DSE: variants seen among roughly 807,000 people sequenced by gnomAD.
DSE encodes dermatan sulfate epimerase.
Under a neutral mutation model 84.4 loss-of-function variants are expected in DSE, and 36 were observed. That is an observed-to-expected ratio of 0.43 (90% confidence interval 0.33 to 0.56). The LOEUF (loss-of-function observed/expected upper bound fraction) is 0.56, where lower values mean the gene tolerates loss of function less well. Ranked by LOEUF, DSE falls within the 20% of genes least tolerant of loss-of-function variation. The pLI is 0.06. For missense variants in DSE, 862 were observed against 1,169.6 expected, an observed-to-expected ratio of 0.74 and a Z score of 3.84; for synonymous variants, 410 against 430.1, an observed-to-expected ratio of 0.95 and a Z score of 0.58.
rs146126015 is a variant in DSE, at chr6:116,271,284, T to C, written c.-54+12317T>C. ...CGGTTTCTAGGCCTCACCTTCAGAG[T>C]TCTGTTTCAGTAGCTCATGGGTGGG... On this transcript the variant is annotated intron_variant, in intron 2 of 3. Transcript: ENST00000430252. 1.1e-3 allele frequency among the ~76,000 whole-genome samples: 174 copies of C among 152,296 alleles called. 1 individual carries two copies. Among genetic ancestry groups the C allele is most frequent in the African/African-American group, 3.9e-3 (161 of 41,564 alleles).
intron 2 of DSE, among the ~76,000 whole-genome samples, chr6:116,361,344 C>A (rs2187813): frequency 0.47 from 72,042 of 151,926 alleles, 18,656 homozygotes; most frequent in East Asian, 0.95. Context: ...CAGGTGTGAG[C>A]CACTGCACCC....
In DSE at chr6:116,438,058, A is replaced by G. The variant is rs1292156220; in HGVS notation, c.*713A>G. The G allele has an allele frequency of 2.4e-5, 3 of 126,648 alleles. No individual in the cohort carries two copies. The highest frequency in any genetic ancestry group is 9.3e-5 in the African/African-American group (3 of 32,150). 7.8% of individuals were successfully genotyped at this position (126,648 alleles called of 1,614,324 possible). On this transcript the variant is annotated 3_prime_UTR_variant, in exon 6 of 6. Transcript: ENST00000644252. ...CTTGCATGCATTCATTGGTTGTTCA[A>G]TAAGTGAGATGATTACAGATAATAC...
rs942067113 is a variant in DSE, at chr6:116,444,619, G to T, written c.*7274G>T. On this transcript the variant is annotated 3_prime_UTR_variant, in exon 6 of 6. Coordinates refer to ENST00000644252, the MANE Select transcript of DSE (RefSeq NM_013352.4). ...ATCCTTAATGTGATAGTATTAGGAT[G>T]TGGGGCCTTTGGAAAGTGATTAGGT... The T allele has an allele frequency of 6.6e-6, 1 of 152,190 alleles. No homozygotes were observed. Among genetic ancestry groups the T allele is most frequent in the South Asian group, 2.1e-4 (1 of 4,830 alleles). 9.4% of individuals were successfully genotyped at this position (152,190 alleles called of 1,614,324 possible). A position where few individuals can be genotyped will look rare whatever the true frequency, so the allele number is the denominator to read the frequency against.
At chr6:116,392,555 A>G (rs1281323849) in intron 1 of DSE, among the ~76,000 whole-genome samples, 2 of 152,058 alleles carry the variant, frequency 1.3e-5, no homozygotes, top group African/African-American at 4.8e-5. Flanking sequence ...GGGGATGTAC[A>G]TTTCACTCTT....
chr6:116,438,963 G>A lies in DSE; in HGVS notation c.*1618G>A, dbSNP rs1319053782. ...TAATTTTTTTCCCCTCTCATGGAAA[G>A]TCTCTAGGGAGGATGTCATTACACA... On this transcript the variant is annotated 3_prime_UTR_variant, in exon 6 of 6. Coordinates refer to ENST00000644252, the MANE Select transcript of DSE (RefSeq NM_013352.4). 1.3e-5 allele frequency: 2 copies of A among 152,160 alleles called. No individual in the cohort carries two copies. The highest frequency in any genetic ancestry group is 4.8e-5 in the African/African-American group (2 of 41,446). The allele number at this position is 152,160 out of a possible 1,614,324, so 9.4% of individuals were successfully genotyped here.
chr6:116,346,088 A>G (rs1237044288), intron 2 of DSE, among the ~76,000 whole-genome samples: 1 of 152,224 alleles, frequency 6.6e-6, no homozygotes, highest in African/African-American at 2.4e-5. Context: ...GAATCCCTGA[A>G]TAGATCAATA....
chr6:116,369,309 CT>C (rs1430853672), upstream of DSE, among the ~76,000 whole-genome samples: 3 of 152,298 alleles, frequency 2.0e-5, no homozygotes, highest in East Asian at 5.8e-4. Flanking sequence ...TCTAAAGTCT[CT>C]TTCAAATTTG....
intron 2 of DSE, among the ~76,000 whole-genome samples, chr6:116,411,500 A>G (rs558997649): frequency 6.6e-6 from 1 of 152,344 alleles, no homozygotes; most frequent in East Asian, 1.9e-4. Context: ...TGAAAAAGAA[A>G]AAAGGTTCCT....
chr6:116,378,484 C>G (rs9488916), intron 1 of DSE, among the ~76,000 whole-genome samples: 6,366 of 152,112 alleles, frequency 0.042, 226 homozygotes, highest in African/African-American at 0.094. Context: ...TATTTATTGA[C>G]TGGTTAAATA....
At chr6:116,385,804 T>C (rs926158970) in intron 1 of DSE, among the ~76,000 whole-genome samples, 2 of 114,616 alleles carry the variant, frequency 1.7e-5, no homozygotes, top group African/African-American at 7.5e-5. Flanking sequence ...TTGGAAATGT[T>C]AAAGACAGCA....
chr6:116,380,526 C>A (rs1346888568), intron 1 of DSE, among the ~76,000 whole-genome samples: 2 of 152,062 alleles, frequency 1.3e-5, no homozygotes, highest in Non-Finnish European at 2.9e-5. Context: ...GCCAGCAGAG[C>A]AAAGGCACAA....
Position 116,436,398 on chromosome 6 carries a change from A to G in DSE, c.1930A>G (p.Thr644Ala). The G allele has an allele frequency of 6.2e-7, 1 of 1,614,140 alleles. No individual in the cohort carries two copies. Among genetic ancestry groups the G allele is most frequent in the Non-Finnish European group, 8.5e-7 (1 of 1,180,014 alleles). ...TYPRGYPYNG[T>A]NYVNVTMHLR... The stretch of plus-strand genomic sequence containing the variant: ...TCCTCGGGGCTATCCCTACAATGGG[A>G]CAAACTATGTGAATGTCACCATGCA... Residue 644 changes from threonine (T) to alanine (A), a missense_variant, in exon 6 of 6, where the codon ACA (threonine) becomes GCA (alanine). Physicochemically the swap from Thr to Ala is moderately conservative, Grantham distance 58. Coordinates refer to ENST00000644252, the MANE Select transcript of DSE (RefSeq NM_013352.4).
At chr6:116,265,430 T>C (rs1582908987) in intron 2 of DSE, among the ~76,000 whole-genome samples, 1 of 150,860 alleles carries the variant, frequency 6.6e-6, no homozygotes, top group South Asian at 2.1e-4. Flanking sequence ...GCAGGGGGAG[T>C]GGAGTAGACA....
chr6:116,426,927 A>G, intron 3 of DSE, 100 bp downstream of exon 3: 1 of 1,456,374 alleles, frequency 6.9e-7, no homozygotes, highest in Non-Finnish European at 9.1e-7. Context: ...GTACATGTTC[A>G]TACTTGGATC....
intron 2 of DSE, among the ~76,000 whole-genome samples, chr6:116,361,618 T>C (rs1007468590): frequency 6.6e-6 from 1 of 152,154 alleles, no homozygotes; most frequent in Non-Finnish European, 1.5e-5. Context: ...ATCCTGCCAC[T>C]GTACTCCAGC....
chr6:116,286,632 A>G (rs931798736), intron 2 of DSE, among the ~76,000 whole-genome samples: 5 of 152,212 alleles, frequency 3.3e-5, no homozygotes, highest in Admixed American at 6.5e-5. Context: ...AAAGAGAAAT[A>G]AAAGTAATTT....
chr6:116,399,985 A>G (rs1261316400), intron 2 of DSE: 3 of 266,334 alleles, frequency 1.1e-5, no homozygotes, highest in East Asian at 8.3e-5. Flanking sequence ...ATATATTACT[A>G]TCATCTGGTG....
intron 1 of DSE, among the ~76,000 whole-genome samples, chr6:116,374,430 G>A (rs1408991373): frequency 6.6e-6 from 1 of 152,050 alleles, no homozygotes; most frequent in Non-Finnish European, 1.5e-5. Flanking sequence ...GAGGGGGCTG[G>A]ATCTTTACTA....
At chr6:116,422,560 G>A (rs1427990682) in intron 2 of DSE, among the ~76,000 whole-genome samples, 2 of 152,310 alleles carry the variant, frequency 1.3e-5, no homozygotes, top group African/African-American at 4.8e-5. Context: ...TTGGTACTCC[G>A]TTTAATCACA....
Sources: allele counts gnomAD v4.1 joint callset (sites outside exome capture counted in the v4.1 genomes callset), GRCh38; gene constraint gnomAD v4.1.1; transcripts MANE v1.5; gene names NCBI Gene and HGNC (gene_info 2026-07-23, HGNC 2026-07-21).